Variants in STIM1 observed in about 807,000 individuals in gnomAD.
STIM1 encodes the protein stromal interaction molecule 1.
In STIM1, 25 loss-of-function variants were observed where a neutral mutation model predicts 74.7. That is an observed-to-expected ratio of 0.33 (90% confidence interval 0.24 to 0.47). STIM1 has a LOEUF of 0.47. Among genes scored for constraint, STIM1 ranks in the 20% least tolerant of loss-of-function variants. The pLI is 1.00. For synonymous variants in STIM1, 328 were observed against 348.8 expected (o/e 0.94, Z 0.66); for missense variants, 728 against 920.8 (o/e 0.79, Z 2.71).
In STIM1 at chr11:3,881,705, A is replaced by G. The variant is rs375975624; in HGVS notation, c.139+25296A>G. ...ATTTTTATTTATTTATTTTTTTGAGATGGAATCTCGCTCTGTAGCCCAGGC... is the reference window on the plus strand; with the variant it reads ...ATTTTTATTTATTTATTTTTTTGAGGTGGAATCTCGCTCTGTAGCCCAGGC... On this transcript the variant is annotated intron_variant, in intron 1 of 12. Transcript: ENST00000526596. 2.7e-4 allele frequency among the ~76,000 whole-genome samples: 41 copies of G among 150,296 alleles called. 1 individual carries two copies. The highest frequency in any genetic ancestry group is 9.8e-4 in the African/African-American group (40 of 40,790).
chr11:3,988,958 A>G (rs768441132), intron 2 of STIM1, among the ~76,000 whole-genome samples: 1 of 152,242 alleles, frequency 6.6e-6, no homozygotes, highest in African/African-American at 2.4e-5. Context: ...GTACCAAAAA[A>G]TAAACAACCA....
intron 1 of STIM1, among the ~76,000 whole-genome samples, chr11:3,887,147 A>T (rs1420100324): frequency 1.3e-5 from 2 of 152,142 alleles, no homozygotes; most frequent in Admixed American, 1.3e-4. Context: ...TGAGTTTGGT[A>T]ATAAGAGAGG....
chr11:4,053,959 G>T (rs935511782), intron 3 of STIM1, among the ~76,000 whole-genome samples: 15 of 152,150 alleles, frequency 9.9e-5, no homozygotes, highest in Admixed American at 3.9e-4. Flanking sequence ...CTACAATGAT[G>T]GAAATGTTGT....
chr11:3,999,830 T>C (rs549308976), intron 2 of STIM1: 9 of 152,462 alleles, frequency 5.9e-5, no homozygotes, highest in African/African-American at 1.7e-4. Context: ...CCTTTCCTGG[T>C]CAAGGAAAGG....
chr11:3,949,848 C>T (rs977123076), intron 1 of STIM1, among the ~76,000 whole-genome samples: 1 of 152,138 alleles, frequency 6.6e-6, no homozygotes, highest in Non-Finnish European at 1.5e-5. Flanking sequence ...CAATCTTGTT[C>T]AGATTTCCCA....
At chr11:4,038,482 A>C (rs2094121979) in intron 3 of STIM1, among the ~76,000 whole-genome samples, 1 of 152,046 alleles carries the variant, frequency 6.6e-6, no homozygotes, top group Admixed American at 6.6e-5. Context: ...TTAGATTTTA[A>C]TCCTTGCACT....
chr11:3,952,969 G>A (rs1399700005), intron 1 of STIM1, among the ~76,000 whole-genome samples: 2 of 152,172 alleles, frequency 1.3e-5, no homozygotes, highest in Non-Finnish European at 2.9e-5. Flanking sequence ...GCTTGGTGGT[G>A]ACTAGCTGTA....
intron 7 of STIM1, among the ~76,000 whole-genome samples, chr11:4,078,396 G>A (rs888130239): frequency 2.0e-5 from 3 of 151,764 alleles, no homozygotes; most frequent in African/African-American, 7.3e-5. Context: ...TGCCCCAGTG[G>A]AGATCTTCTA....
Position 3,929,698 on chromosome 11 carries a change from C to T in STIM1, c.140-37854C>T, listed in dbSNP as rs146669599. On this transcript the variant is annotated intron_variant, in intron 1 of 12. Coordinates refer to ENST00000526596, the MANE Select transcript of STIM1 (RefSeq NM_001382567.1). ...ACAAAGTTAGAAGGGTTGAGGAGGG[C>T]GAGGGAAGGGTCAACACCTTACCGC... 5.5e-4 allele frequency among the ~76,000 whole-genome samples: 83 copies of T among 152,164 alleles called. 1 individual carries two copies. Among genetic ancestry groups the T allele is most frequent in the Middle Eastern group, 6.8e-3 (2 of 294 alleles).
chr11:3,962,743 G>A (rs2093300614), intron 1 of STIM1, among the ~76,000 whole-genome samples: 1 of 152,116 alleles, frequency 6.6e-6, no homozygotes, highest in Non-Finnish European at 1.5e-5. Flanking sequence ...ACCAACATCT[G>A]TTGTTTATTG....
At chr11:4,036,936 C>G (rs2094108336) in intron 3 of STIM1, among the ~76,000 whole-genome samples, 1 of 152,186 alleles carries the variant, frequency 6.6e-6, no homozygotes, top group Non-Finnish European at 1.5e-5. Flanking sequence ...TCGGAGTGAA[C>G]AGGCAACCTA....
At chr11:4,083,136 T>G in intron 9 of STIM1, 127 bp from the exon 10 acceptor site, 1 of 1,223,172 alleles carries the variant, frequency 8.2e-7, no homozygotes, top group South Asian at 1.2e-5. Flanking sequence ...GCCTTGCTCT[T>G]AAGTTTGAGT....
At chr11:3,956,271 A>G (rs1412267620) in intron 1 of STIM1, among the ~76,000 whole-genome samples, 2 of 152,196 alleles carry the variant, frequency 1.3e-5, no homozygotes. Context: ...TGGGAGAGGC[A>G]TGCTGTGTGC....
Position 4,001,381 on chromosome 11 carries a change from T to A in STIM1, c.271-22492T>A, listed in dbSNP as rs371842597. 3.5e-3 allele frequency among the ~76,000 whole-genome samples: 540 copies of A among 152,230 alleles called. 4 individuals are homozygous for A. The highest frequency in any genetic ancestry group is 0.012 in the African/African-American group (497 of 41,528). The stretch of plus-strand genomic sequence containing the variant: ...AAGGGAAGCCCATCAGACTAACAGC[T>A]GATCTCTCGGCAGAAACTCTACAAG... On this transcript the variant is annotated intron_variant, in intron 2 of 12. Transcript: ENST00000526596.
chr11:4,087,460 A>C (rs1004756392), intron 12 of STIM1, among the ~76,000 whole-genome samples: 1 of 152,190 alleles, frequency 6.6e-6, no homozygotes, highest in Non-Finnish European at 1.5e-5. Flanking sequence ...ATGCAGAGAC[A>C]TGGAGATTCC....
intron 1 of STIM1, among the ~76,000 whole-genome samples, chr11:3,965,211 C>T (rs2093328187): frequency 6.6e-6 from 1 of 152,210 alleles, no homozygotes; most frequent in Non-Finnish European, 1.5e-5. Context: ...TGCTTTTGTG[C>T]TACAATGGCA....
At chr11:3,912,611 C>T (rs1251557693) in intron 1 of STIM1, among the ~76,000 whole-genome samples, 1 of 152,074 alleles carries the variant, frequency 6.6e-6, no homozygotes, top group East Asian at 1.9e-4. Flanking sequence ...AGTGATCCAC[C>T]CGCCTTGGCC....
intron 3 of STIM1, among the ~76,000 whole-genome samples, chr11:4,046,835 G>A (rs535862475): frequency 2.6e-5 from 4 of 151,912 alleles, no homozygotes; most frequent in Admixed American, 2.0e-4. Context: ...TTTTTCTTTT[G>A]TAGAGTTGGA....
chr11:3,915,563 A>C (rs1228427240), intron 1 of STIM1, among the ~76,000 whole-genome samples: 1 of 151,602 alleles, frequency 6.6e-6, no homozygotes, highest in Non-Finnish European at 1.5e-5. Flanking sequence ...ACGCCTGGCT[A>C]ATTTTTTGTA....
Sources: allele counts gnomAD v4.1 joint callset (sites outside exome capture counted in the v4.1 genomes callset), GRCh38; gene constraint gnomAD v4.1.1; transcripts MANE v1.5; gene names NCBI Gene and HGNC (gene_info 2026-07-23, HGNC 2026-07-21).